Variants in TRUB1 observed in about 807,000 individuals in gnomAD.
TRUB1 encodes pseudouridylate synthase TRUB1.
In TRUB1, 23 loss-of-function variants were observed where a neutral mutation model predicts 33.9. That is an observed-to-expected ratio of 0.68 (90% CI 0.49 to 0.96). TRUB1 has a LOEUF of 0.96. TRUB1 is among the 40% of genes least tolerant of loss of function. TRUB1 has a pLI of 0.00. For missense variants in TRUB1, 378 were observed against 422.2 expected (o/e 0.90, Z 0.92); for synonymous variants, 163 against 165.4 (o/e 0.99, Z 0.11).
At chr10:114,969,580 T>C (rs546101164) in intron 4 of TRUB1, 1 of 152,142 alleles carries the variant, frequency 6.6e-6, no homozygotes. Context: ...GAAAACATGA[T>C]TAACAGATAG....
chr10:114,949,253 G>A (rs1485393587), intron 2 of TRUB1, among the ~76,000 whole-genome samples: 1 of 152,198 alleles, frequency 6.6e-6, no homozygotes, highest in Non-Finnish European at 1.5e-5. Context: ...TATGTGCATA[G>A]TAGTTGTTCA....
Position 114,977,342 on chromosome 10 carries a change from G to T in TRUB1, c.*1963G>T, listed in dbSNP as rs963648206. 1 of 151,798 alleles carries T rather than the reference G, an allele frequency of 6.6e-6. No homozygotes were observed. The highest frequency in any genetic ancestry group is 2.4e-5 in the African/African-American group (1 of 41,378). The allele number at this position is 151,798 out of a possible 1,614,324, so 9.4% of individuals were successfully genotyped here. ...TCTATATGTATGTAGTTGTGATAAT[G>T]ATTATTTTAATTATATTACTTTATA... is the stretch of plus-strand genomic sequence containing the variant. On this transcript the variant is annotated 3_prime_UTR_variant, in exon 8 of 8. Coordinates refer to ENST00000298746, the MANE Select transcript of TRUB1 (RefSeq NM_139169.5).
chr10:114,974,193 A>G (rs2084349688), intron 6 of TRUB1, 136 bp from the exon 7 acceptor site: 1 of 689,974 alleles, frequency 1.4e-6, no homozygotes. Context: ...TGAATAATTT[A>G]TGTTTTAGTG....
intron 1 of TRUB1, among the ~76,000 whole-genome samples, chr10:114,941,864 A>C (rs1191680267): frequency 6.6e-6 from 1 of 151,916 alleles, no homozygotes; most frequent in African/African-American, 2.4e-5. Flanking sequence ...GGCTCACTGC[A>C]AACTCCGCCT....
At chr10:114,960,943 T>G (rs1472832001) in intron 4 of TRUB1, among the ~76,000 whole-genome samples, 1 of 152,110 alleles carries the variant, frequency 6.6e-6, no homozygotes, top group Non-Finnish European at 1.5e-5. Context: ...ATAAGGAGAA[T>G]GATTATTATT....
chr10:114,938,948 C>T (rs991427111), intron 1 of TRUB1, among the ~76,000 whole-genome samples: 5 of 152,218 alleles, frequency 3.3e-5, no homozygotes, highest in Non-Finnish European at 7.3e-5. Context: ...ACTTCGTTAA[C>T]CAAGACTTAA....
At chr10:114,964,288 T>C (rs1288320793) in intron 4 of TRUB1, among the ~76,000 whole-genome samples, 1 of 152,002 alleles carries the variant, frequency 6.6e-6, no homozygotes, top group Non-Finnish European at 1.5e-5. Flanking sequence ...CTTTTTTGTA[T>C]TGTCTGTTCA....
chr10:114,966,778 A>G (rs1169240410), intron 4 of TRUB1, among the ~76,000 whole-genome samples: 1 of 152,146 alleles, frequency 6.6e-6, no homozygotes, highest in Non-Finnish European at 1.5e-5. Flanking sequence ...AATGGAGTTG[A>G]TTTTTGTATA....
chr10:114,964,789 A>C (rs1318527668), intron 4 of TRUB1, among the ~76,000 whole-genome samples: 1 of 152,170 alleles, frequency 6.6e-6, no homozygotes, highest in Non-Finnish European at 1.5e-5. Flanking sequence ...TGTTTAAAAA[A>C]AAATCTATTT....
At chr10:114,944,512 A>T (rs1341856270) in intron 2 of TRUB1, among the ~76,000 whole-genome samples, 1 of 152,146 alleles carries the variant, frequency 6.6e-6, no homozygotes, top group Non-Finnish European at 1.5e-5. Flanking sequence ...TACAAAAATT[A>T]GCCGGGCATG....
At chr10:114,963,579 C>T (rs1005370915) in intron 4 of TRUB1, among the ~76,000 whole-genome samples, 1 of 152,168 alleles carries the variant, frequency 6.6e-6, no homozygotes, top group African/African-American at 2.4e-5. Context: ...TGCTAGAAAC[C>T]ACACTTGTGC....
chr10:114,973,832 C>T (rs904856828), intron 6 of TRUB1, among the ~76,000 whole-genome samples: 1 of 152,046 alleles, frequency 6.6e-6, no homozygotes, highest in African/African-American at 2.4e-5. Flanking sequence ...TAATTCTTGT[C>T]ACTGTGAAAA....
Position 114,975,357 on chromosome 10 carries a change from A to G in TRUB1, c.1028A>G (p.Asp343Gly). The change falls in exon 8 of 8, where the codon GAT becomes GGT. Residue 343 changes from aspartate (D) to glycine (G), a missense_variant. Coordinates refer to ENST00000298746, the MANE Select transcript of TRUB1 (RefSeq NM_139169.5). ...YITLNEPKRE[D>G]DVIKTC ...ACTCTAAATGAGCCAAAGAGAGAAG[A>G]TGATGTAATTAAGACGTGTTGAGAT... The G allele has an allele frequency of 6.3e-7, 1 of 1,590,728 alleles. No individual in the cohort carries two copies. The highest frequency in any genetic ancestry group is 8.6e-7 in the Non-Finnish European group (1 of 1,166,900).
intron 3 of TRUB1, 23 bp from the exon 4 acceptor site, chr10:114,959,703 C>G (rs1446147782): frequency 6.5e-7 from 1 of 1,545,768 alleles, no homozygotes; most frequent in Non-Finnish European, 8.9e-7. Context: ...GGCCCATTTT[C>G]TCTCTTGTTT....
intron 5 of TRUB1, among the ~76,000 whole-genome samples, chr10:114,971,418 G>A (rs1458177021): frequency 6.6e-6 from 1 of 151,868 alleles, no homozygotes; most frequent in African/African-American, 2.4e-5. Flanking sequence ...TTAGAATTTA[G>A]TATTTATTTT....
Position 114,944,457 on chromosome 10 carries a change from G to A in TRUB1, c.385+1714G>A, listed in dbSNP as rs114520311. On this transcript the variant is annotated intron_variant, in intron 2 of 7. Transcript: ENST00000298746. ...AGGTTAAAATAGAAAAAATCAGTTC[G>A]AGACCAATCTGGCCAACATGGTGAG... Among the ~76,000 whole-genome samples, 1,069 of 152,056 alleles carry A rather than the reference G, an allele frequency of 7.0e-3. 18 individuals are homozygous for A. The highest frequency in any genetic ancestry group is 0.025 in the African/African-American group (1,027 of 41,460).
intron 1 of TRUB1, among the ~76,000 whole-genome samples, chr10:114,940,633 A>G (rs1305957677): frequency 6.6e-6 from 1 of 152,238 alleles, no homozygotes; most frequent in Admixed American, 6.5e-5. Flanking sequence ...TACTTAGTTC[A>G]GTGGGGTGAA....
intron 2 of TRUB1, among the ~76,000 whole-genome samples, chr10:114,948,704 G>T (rs80047431): frequency 6.6e-6 from 1 of 152,186 alleles, no homozygotes; most frequent in African/African-American, 2.4e-5. Context: ...AGAGGATTAA[G>T]CTGGGTAACT....
At chr10:114,949,960 G>A (rs1379774899) in intron 2 of TRUB1, among the ~76,000 whole-genome samples, 1 of 143,962 alleles carries the variant, frequency 6.9e-6, no homozygotes, top group Non-Finnish European at 1.5e-5. Flanking sequence ...GTGCAATGGT[G>A]TGATCTTGGC....
Sources: allele counts gnomAD v4.1 joint callset (sites outside exome capture counted in the v4.1 genomes callset), GRCh38; gene constraint gnomAD v4.1.1; transcripts MANE v1.5; gene names NCBI Gene and HGNC (gene_info 2026-07-23, HGNC 2026-07-21).